Variants in SV2B observed in about 807,000 individuals in gnomAD.
SV2B encodes the protein solute carrier family 22 member B2.
Under a neutral mutation model 73.9 loss-of-function variants are expected in SV2B, and 41 were observed. The ratio of observed to expected loss-of-function variants is 0.56; its 90% CI spans 0.43 to 0.72. The LOEUF is 0.72. SV2B is among the 30% of genes least tolerant of loss of function. The pLI is 0.00. For missense variants in SV2B, 764 were observed against 857.8 expected, an observed-to-expected ratio of 0.89 and a Z score of 1.37; for synonymous variants, 314 against 314.2, an observed-to-expected ratio of 1.00 and a Z score of 0.01.
At chr15:91,148,508 G>A (rs1423156015) in intron 1 of SV2B, among the ~76,000 whole-genome samples, 2 of 152,104 alleles carry the variant, frequency 1.3e-5, no homozygotes, top group East Asian at 3.9e-4. Context: ...TCCTGAAACA[G>A]GGCTTCAAAA....
At chr15:91,155,602 T>C (rs145734499) in intron 1 of SV2B, among the ~76,000 whole-genome samples, 1 of 152,284 alleles carries the variant, frequency 6.6e-6, no homozygotes, top group Non-Finnish European at 1.5e-5. Context: ...GTCTCATGAC[T>C]GAGTGTTTTA....
rs1198405730 is a variant in SV2B, at chr15:91,302,507, A to G, written c.*9955A>G. Among the ~76,000 whole-genome samples the G allele has an allele frequency of 1.3e-5, 2 of 152,210 alleles. No homozygotes were observed. On this transcript the variant is annotated 3_prime_UTR_variant, in exon 13 of 13. Transcript: ENST00000394232. ...ATGAAAGTAGCTATGTGAATTTGCC[A>G]AATAGAAATCTTGGAGGCCAGGTGC...
At chr15:91,278,717 C>T (rs1208530496) in intron 9 of SV2B, among the ~76,000 whole-genome samples, 5 of 147,416 alleles carry the variant, frequency 3.4e-5, no homozygotes. Flanking sequence ...CACAGATATT[C>T]AGGCAAGAAT....
At chr15:91,233,133 A>C (rs2046645758) in intron 2 of SV2B, among the ~76,000 whole-genome samples, 1 of 152,116 alleles carries the variant, frequency 6.6e-6, no homozygotes, top group Non-Finnish European at 1.5e-5. Context: ...TGTTGATTCG[A>C]CGTTAAAGAC....
chr15:91,211,959 A>G (rs2045884248), intron 1 of SV2B, among the ~76,000 whole-genome samples: 1 of 152,152 alleles, frequency 6.6e-6, no homozygotes, highest in Non-Finnish European at 1.5e-5. Flanking sequence ...TTTTTAAACT[A>G]GACTTTCAGC....
rs753780491 is a variant in SV2B at position 91,251,925 on chromosome 15, C to G, written c.558C>G (p.Ala186=). ...TCAGCATGTCTCTGGCCGTCAATGC[C>G]TCCTTCGCCTCCCTCTCTTCCTTCG... ...RVLSMSLAVN[A]SFASLSSFVQ... is the part of the protein sequence containing the mutation. The change falls in exon 3 of 13, where the codon GCC becomes GCG. Residue 186 remains alanine, a synonymous_variant. Coordinates refer to ENST00000394232, the MANE Select transcript of SV2B (RefSeq NM_001323032.3). 20 of 1,614,046 alleles carry G rather than the reference C, an allele frequency of 1.2e-5. No homozygotes were observed. The highest frequency in any genetic ancestry group is 1.7e-5 in the Non-Finnish European group (20 of 1,180,042).
rs55959074 is a variant in SV2B at position 91,144,408 on chromosome 15, A to C, written c.-392+44045A>C. On this transcript the variant is annotated intron_variant, in intron 1 of 12. Transcript: ENST00000394232. ...ATCTCTCCAGCTCTTGGGTTGAAAC[A>C]TTCATGATTTTTTTTTAAAAAAGCA... Among the ~76,000 whole-genome samples the C allele has an allele frequency of 8.2e-3, 1,212 of 147,976 alleles. 20 individuals are homozygous for C. The highest frequency in any genetic ancestry group is 0.028 in the African/African-American group (1,170 of 41,102).
intron 1 of SV2B, among the ~76,000 whole-genome samples, chr15:91,180,681 G>A (rs965995179): frequency 1.3e-5 from 2 of 152,052 alleles, no homozygotes; most frequent in East Asian, 1.9e-4. Flanking sequence ...CCAGTTGATC[G>A]CATCAGCTCC....
In SV2B at chr15:91,234,404, C is replaced by A. The variant is rs1443467366; in HGVS notation, c.451+7690C>A. The stretch of plus-strand genomic sequence containing the variant: ...CTAAATGCAGTGGGAATAATTGGAT[C>A]CCAGGGTGCAAGGGCCAAGTGGTGG... On this transcript the variant is annotated intron_variant, in intron 2 of 12. Coordinates refer to ENST00000394232, the MANE Select transcript of SV2B (RefSeq NM_001323032.3). This position sits in a 1 kb window ranked among gnomAD's most constrained non-coding sequence, Gnocchi z 5.6. Among the ~76,000 whole-genome samples the A allele has an allele frequency of 6.6e-6, 1 of 152,082 alleles. No individual in the cohort carries two copies. The highest frequency in any genetic ancestry group is 1.5e-5 in the Non-Finnish European group (1 of 68,022).
At chr15:91,180,079 G>A (rs937890245) in intron 1 of SV2B, among the ~76,000 whole-genome samples, 1 of 151,932 alleles carries the variant, frequency 6.6e-6, no homozygotes, top group South Asian at 2.1e-4. Context: ...CTCTTTTAGG[G>A]CAGGCCTGGT....
intron 6 of SV2B, among the ~76,000 whole-genome samples, chr15:91,262,270 C>T (rs1326911996): frequency 6.6e-6 from 1 of 152,028 alleles, no homozygotes; most frequent in Non-Finnish European, 1.5e-5. Flanking sequence ...AAAACAAAAA[C>T]AAAAACAAAA....
Position 91,135,043 on chromosome 15 carries a change from G to A in SV2B, c.-392+34680G>A, listed in dbSNP as rs146441491. Among the ~76,000 whole-genome samples, 663 of 148,972 alleles carry A rather than the reference G, an allele frequency of 4.5e-3. 4 individuals are homozygous for A. Among genetic ancestry groups the A allele is most frequent in the African/African-American group, 0.016 (626 of 40,066 alleles). ...GAGACAGGGTCTTGCTCTGTTACCC[G>A]GGCTGGAGCACAGTACTGTGATCAT... On this transcript the variant is annotated intron_variant, in intron 1 of 12. Coordinates refer to ENST00000394232, the MANE Select transcript of SV2B (RefSeq NM_001323032.3).
In SV2B at chr15:91,252,287, G is replaced by A. The variant is rs577872012; in HGVS notation, c.633-82G>A. On this transcript the variant is annotated intron_variant, in intron 3 of 12. Transcript: ENST00000394232. This position sits in a 1 kb window ranked among gnomAD's most constrained non-coding sequence, Gnocchi z 4.6. ...GTCCTTTCACCACAGAGCCTAAGGT[G>A]GGGTATAGGCAACTTGGTTTCTGCT... is the stretch of plus-strand genomic sequence containing the variant. 2 of 1,510,424 alleles carry A rather than the reference G, an allele frequency of 1.3e-6. No individual in the cohort carries two copies. Among genetic ancestry groups the A allele is most frequent in the South Asian group, 2.6e-5 (2 of 77,292 alleles). The allele number at this position is 1,510,424 out of a possible 1,614,324, so 93.6% of individuals were successfully genotyped here.
rs1206988603 is a variant in SV2B, at chr15:91,152,085, T to TG, written c.-392+51722_-392+51723insG. On this transcript the variant is annotated intron_variant, in intron 1 of 12. Transcript: ENST00000394232. ...TAATTTTTACTCTTTTTTTTTTTTT[T>TG]TGCCAAAGAGTGAGCAGCAGCAAGA... is the stretch of plus-strand genomic sequence containing the variant. Among the ~76,000 whole-genome samples, 6 of 151,402 alleles carry TG rather than the reference T, an allele frequency of 4.0e-5. No individual in the cohort carries two copies. The East Asian group carries it at 9.7e-4, about 24-fold the overall frequency.
intron 4 of SV2B, among the ~76,000 whole-genome samples, chr15:91,255,876 AT>A (rs1278912281): frequency 6.6e-6 from 1 of 152,210 alleles, no homozygotes; most frequent in Non-Finnish European, 1.5e-5. Context: ...ATTTGATGGT[AT>A]TTTCCAATGT....
At chr15:91,209,169 T>G (rs963349749) in intron 1 of SV2B, among the ~76,000 whole-genome samples, 7 of 144,610 alleles carry the variant, frequency 4.8e-5, no homozygotes. Flanking sequence ...TTGCCCAGGC[T>G]GGAGTGCAGT....
chr15:91,169,607 G>T (rs974280346), intron 1 of SV2B, among the ~76,000 whole-genome samples: 1 of 152,224 alleles, frequency 6.6e-6, no homozygotes, highest in African/African-American at 2.4e-5. Context: ...TAGGGATGCT[G>T]TGGGGAAAAG....
Position 91,241,943 on chromosome 15 carries a change from T to C in SV2B, c.452-9876T>C, listed in dbSNP as rs2047032758. On this transcript the variant is annotated intron_variant, in intron 2 of 12. Coordinates refer to ENST00000394232, the MANE Select transcript of SV2B (RefSeq NM_001323032.3). This position sits in a 1 kb window ranked among gnomAD's most constrained non-coding sequence, Gnocchi z 4.8. Reference sequence around the variant, plus strand: ...ACTTTCTGTTCTCACTTGAACCCACTTTCAGTAGAATGAATGAGTGAGGAC... The same window carrying C: ...ACTTTCTGTTCTCACTTGAACCCACCTTCAGTAGAATGAATGAGTGAGGAC... Among the ~76,000 whole-genome samples the C allele has an allele frequency of 1.3e-5, 2 of 152,228 alleles. No individual in the cohort carries two copies. The highest frequency in any genetic ancestry group is 4.1e-4 in the South Asian group (2 of 4,830).
chr15:91,215,729 G>A (rs1273972594), intron 1 of SV2B, among the ~76,000 whole-genome samples: 1 of 151,868 alleles, frequency 6.6e-6, no homozygotes, highest in Non-Finnish European at 1.5e-5. Flanking sequence ...ATTCCCATAA[G>A]ATTTAGCTGT....
Sources: gnomAD v4.1 joint callset for allele counts (sites outside exome capture counted in the v4.1 genomes callset) on GRCh38, gnomAD v4.1.1 for gene constraint, Gnocchi (gnomAD v3.1) non-coding constraint, MANE v1.5 for transcripts, NCBI Gene and HGNC (gene_info 2026-07-23, HGNC 2026-07-21) for gene names.